DLL3: variants seen among roughly 807,000 people sequenced by gnomAD.
DLL3 encodes the protein delta like canonical Notch ligand 3, also known as delta-like protein 3.
Under a neutral mutation model 55.0 loss-of-function variants are expected in DLL3, and 49 were observed. The observed-to-expected ratio is 0.89, with a 90% CI of 0.71 to 1.13. DLL3 has a LOEUF of 1.13. DLL3 is among the 50% of genes most tolerant of loss of function. DLL3 has a pLI of 0.00. For synonymous variants in DLL3, 421 were observed against 385.2 expected, an observed-to-expected ratio of 1.09 and a Z score of -1.09; for missense variants, 962 against 875.5, an observed-to-expected ratio of 1.10 and a Z score of -1.25.
Position 39,507,596 on chromosome 19 carries a change from G to C in DLL3, c.1651G>C (p.Glu551Gln), listed in dbSNP as rs750062182. ...TGCACTCAACAACCTAAGGACGCAG[G>C]AGGGTTCCGGGGATGGTCCGAGGTG... Reference protein sequence around the residue: ...PDALNNLRTQEGSGDGPSSSV... With the variant: ...PDALNNLRTQQGSGDGPSSSV... Residue 551 changes from glutamate (E) to glutamine (Q), a missense_variant, in exon 7 of 9, where the codon GAG (glutamate) becomes CAG (glutamine). By Grantham distance (29) the Glu-to-Gln change is conservative (BLOSUM62 2). Transcript: ENST00000356433. 1 of 1,608,680 alleles carries C rather than the reference G, an allele frequency of 6.2e-7. No homozygotes were observed. Among genetic ancestry groups the C allele is most frequent in the South Asian group, 1.1e-5 (1 of 90,204 alleles).
chr19:39,504,102 T>G lies in DLL3; in HGVS notation c.684T>G (p.His228Gln). 1 of 1,613,382 alleles carries G rather than the reference T, an allele frequency of 6.2e-7. No homozygotes were observed. The highest frequency in any genetic ancestry group is 1.1e-5 in the South Asian group (1 of 91,090). The change falls in exon 5 of 9, where the codon CAT becomes CAG. Residue 228 changes from histidine to glutamine, a missense_variant. By Grantham distance (24) the His-to-Gln change is conservative. Transcript: ENST00000356433. ...LVCRAGCSPE[H>Q]GFCEQPGECR... is the part of the protein sequence containing the mutation. Reference sequence around the variant, plus strand: ...GCCGAGCAGGCTGCAGCCCTGAGCATGGCTTCTGTGAACAGCCCGGTGAAT... The same window carrying G: ...GCCGAGCAGGCTGCAGCCCTGAGCAGGGCTTCTGTGAACAGCCCGGTGAAT...
At position 39,499,281 on chromosome 19, in the gene DLL3, G is replaced by A. The variant is rs1206794271; in HGVS notation, c.159G>A (p.Arg53=). 6.5e-7 allele frequency: 1 copy of A among 1,541,532 alleles called. No individual in the cohort carries two copies. The highest frequency in any genetic ancestry group is 1.2e-5 in the South Asian group (1 of 84,434). Residue 53 remains arginine, a synonymous_variant, in exon 2 of 9, where the codon CGG becomes CGA. Coordinates refer to ENST00000356433, the MANE Select transcript of DLL3 (RefSeq NM_203486.3). ...CCCCGCGGTCCCCCTGCAGCGCCCG[G>A]CTCCCCTGCCGCCTCTTCTTCAGAG... ...PGAPRSPCSA[R]LPCRLFFRVC... is the part of the protein sequence containing the mutation.
Position 39,507,340 on chromosome 19 carries a change from G to A in DLL3, c.1395G>A (p.Glu465=), listed in dbSNP as rs1395433964. ...CCGGCTACATGGGAGCGCGGTGTGA[G>A]TTCCCAGTGCACCCCGACGGCGCAA... ...CAPGYMGARC[E]FPVHPDGASA... The change falls in exon 7 of 9, where the codon GAG becomes GAA. Residue 465 remains glutamate, a synonymous_variant. Coordinates refer to ENST00000356433, the MANE Select transcript of DLL3 (RefSeq NM_203486.3). 1 of 1,571,444 alleles carries A rather than the reference G, an allele frequency of 6.4e-7. No individual in the cohort carries two copies. Among genetic ancestry groups the A allele is most frequent in the African/African-American group, 1.3e-5 (1 of 74,212 alleles).
Position 39,499,031 on chromosome 19 carries a change from T to C in DLL3, c.57T>C (p.Ile19=), listed in dbSNP as rs2144754989. The C allele has an allele frequency of 1.2e-6, 2 of 1,613,702 alleles. No individual in the cohort carries two copies. The highest frequency in any genetic ancestry group is 1.7e-6 in the Non-Finnish European group (2 of 1,179,986). The part of the protein sequence containing the change: ...LLSQTVILAL[I]FLPQTRPAGV... ...CCCAGACTGTGATCCTAGCGCTCATTTTCCTCCCCCAGGTCAGAGCCAGGT... is the reference window on the plus strand; with the variant it reads ...CCCAGACTGTGATCCTAGCGCTCATCTTCCTCCCCCAGGTCAGAGCCAGGT... Residue 19 remains isoleucine (I), a synonymous_variant, in exon 1 of 9, where the codon ATT becomes ATC. Coordinates refer to ENST00000356433, the MANE Select transcript of DLL3 (RefSeq NM_203486.3).
chr19:39,507,266 G>T lies in DLL3; in HGVS notation c.1321G>T (p.Gly441Cys). Residue 441 changes from glycine (G) to cysteine (C), a missense_variant, in exon 7 of 9, where the codon GGC (glycine) becomes TGC (cysteine). Transcript: ENST00000356433. ...DPCAARPCAH[G>C]GRCYAHFSGL... The stretch of plus-strand genomic sequence containing the variant: ...GTGCGCCGCGCGCCCCTGTGCTCAC[G>T]GCGGCCGCTGCTACGCCCACTTCTC... 6.5e-7 allele frequency: 1 copy of T among 1,530,430 alleles called. No homozygotes were observed. The highest frequency in any genetic ancestry group is 8.7e-7 in the Non-Finnish European group (1 of 1,145,028). 94.8% of individuals were successfully genotyped at this position (1,530,430 alleles called of 1,614,324 possible).
chr19:39,501,914 G>A (rs1600753551), intron 3 of DLL3, among the ~76,000 whole-genome samples: 3 of 152,136 alleles, frequency 2.0e-5, no homozygotes, highest in East Asian at 1.9e-4. Context: ...GGCCCGGCGC[G>A]GTGGCTCACG....
rs994791458 is a variant in DLL3, at chr19:39,504,432, G to A, written c.870+144G>A. 15 of 898,034 alleles carry A rather than the reference G, an allele frequency of 1.7e-5. No individual in the cohort carries two copies. In the East Asian group the frequency reaches 1.8e-4, roughly 11 times the overall value. The allele number at this position is 898,034 out of a possible 1,614,324, so 55.6% of individuals were successfully genotyped here. On this transcript the variant is annotated intron_variant, in intron 5 of 8. Coordinates refer to ENST00000356433, the MANE Select transcript of DLL3 (RefSeq NM_203486.3). ...GAGGTCTTCCTGGAGGCATCCAGCCGGCATCTGGGGCCTTGAAGTAGGATT... is the reference window on the plus strand; with the variant it reads ...GAGGTCTTCCTGGAGGCATCCAGCCAGCATCTGGGGCCTTGAAGTAGGATT...
At position 39,499,219 on chromosome 19, in the gene DLL3, C is replaced by A. The variant is rs757776150; in HGVS notation, c.97C>A (p.Gln33Lys). Residue 33 changes from glutamine to lysine, a missense_variant, in exon 2 of 9, where the codon CAG becomes AAG. Coordinates refer to ENST00000356433, the MANE Select transcript of DLL3 (RefSeq NM_203486.3). ...ACGGCCCGCTGGCGTCTTCGAGCTG[C>A]AGATCCACTCTTTCGGGCCGGGTCC... ...QTRPAGVFEL[Q>K]IHSFGPGPGP... is the part of the protein sequence containing the mutation. 6.4e-7 allele frequency: 1 copy of A among 1,562,304 alleles called. No individual in the cohort carries two copies. Among genetic ancestry groups the A allele is most frequent in the South Asian group, 1.1e-5 (1 of 87,008 alleles).
At chr19:39,507,652 C>G in intron 7 of DLL3, 34 bp downstream of exon 7, 1 of 1,591,910 alleles carries the variant, frequency 6.3e-7, no homozygotes, top group Non-Finnish European at 8.5e-7. Context: ...ACGCCTTGCG[C>G]TGCTGGCTGC....
chr19:39,506,004 A>T (rs1381493844), intron 6 of DLL3, among the ~76,000 whole-genome samples: 1 of 152,046 alleles, frequency 6.6e-6, no homozygotes, highest in Admixed American at 6.6e-5. Flanking sequence ...TGAGCTCAGG[A>T]GTTGGAGACC....
chr19:39,507,031 C>T lies in DLL3; in HGVS notation c.1094-8C>T. 1.3e-6 allele frequency: 2 copies of T among 1,534,180 alleles called. No homozygotes were observed. Among genetic ancestry groups the T allele is most frequent in the Non-Finnish European group, 1.7e-6 (2 of 1,146,620 alleles). On this transcript the variant is annotated splice_region_variant and splice_polypyrimidine_tract_variant and intron_variant, in intron 6 of 8. Transcript: ENST00000356433. ...GGACTGCGCCCTCTGATGCTCCCTT[C>T]CCCACAGGCGGACTCTGCCTGGACC... is the stretch of plus-strand genomic sequence containing the variant.
chr19:39,500,282 A>G (rs2079602062), intron 2 of DLL3, among the ~76,000 whole-genome samples: 1 of 142,606 alleles, frequency 7.0e-6, no homozygotes, highest in Non-Finnish European at 1.6e-5. Context: ...AAAAAAACAT[A>G]GCAGGGCATG....
chr19:39,499,691 G>C (rs545509452), intron 2 of DLL3, among the ~76,000 whole-genome samples: 1 of 152,058 alleles, frequency 6.6e-6, no homozygotes, highest in Non-Finnish European at 1.5e-5. Context: ...CCCAACCCTG[G>C]ATGCTGGGAC....
chr19:39,502,473 A>G (rs2030150841), intron 3 of DLL3, among the ~76,000 whole-genome samples: 1 of 151,982 alleles, frequency 6.6e-6, no homozygotes, highest in Non-Finnish European at 1.5e-5. Context: ...CGGTTTCACC[A>G]TGTTGATCAG....
Position 39,507,905 on chromosome 19 carries a change from C to G in DLL3, c.1749C>G (p.Tyr583Ter). 3 of 1,614,138 alleles carry G rather than the reference C, an allele frequency of 1.9e-6. No homozygotes were observed. Among genetic ancestry groups the G allele is most frequent in the Non-Finnish European group, 1.7e-6 (2 of 1,180,026 alleles). ...GIYVISAPSI[Y>*]AREA Reference sequence around the variant, plus strand: ...ATGTCATATCTGCTCCTTCCATCTACGCTCGGGAGGTAGCGACGCCCCTTT... The same window carrying G: ...ATGTCATATCTGCTCCTTCCATCTAGGCTCGGGAGGTAGCGACGCCCCTTT... The change falls in exon 8 of 9, where the codon TAC (tyrosine) becomes TAG (stop). Residue 583 changes from tyrosine to a stop codon, truncating the protein, a stop_gained. Coordinates refer to ENST00000356433, the MANE Select transcript of DLL3 (RefSeq NM_203486.3). LOFTEE classifies it high-confidence loss of function.
intron 5 of DLL3, 37 bp downstream of exon 5, chr19:39,504,325 C>G: frequency 5.6e-6 from 9 of 1,605,060 alleles, no homozygotes; most frequent in Non-Finnish European, 6.8e-6. Context: ...CTGCTTAGTA[C>G]TTTACCCTGG....
Position 39,505,314 on chromosome 19 carries a change from G to C in DLL3, c.956G>C (p.Gly319Ala). 2.5e-6 allele frequency: 4 copies of C among 1,614,210 alleles called. No homozygotes were observed. ...GTGAGCGGGGTGACATGTGCAGATG[G>C]ACCCTGCTTCAACGGCGGCTTGTGT... ...CEVSGVTCAD[G>A]PCFNGGLCVG... The change falls in exon 6 of 9, where the codon GGA becomes GCA. Residue 319 changes from glycine (G) to alanine (A), a missense_variant. Gly to Ala is a moderately conservative substitution (Grantham distance 60). Transcript: ENST00000356433.
rs1010923365 is a variant in DLL3, at chr19:39,505,344, G to A, written c.986G>A (p.Gly329Glu). ...GPCFNGGLCVGGADPDSAYIC... is the reference protein window; with the variant it reads ...GPCFNGGLCVEGADPDSAYIC... The stretch of plus-strand genomic sequence containing the variant: ...TGCTTCAACGGCGGCTTGTGTGTCG[G>A]GGGTGCAGACCCTGACTCTGCCTAC... The change falls in exon 6 of 9, where the codon GGG (glycine) becomes GAG (glutamate). Residue 329 changes from glycine to glutamate, a missense_variant. By Grantham distance (98) the Gly-to-Glu change is moderately conservative (BLOSUM62 -2). Transcript: ENST00000356433. 1 of 1,614,178 alleles carries A rather than the reference G, an allele frequency of 6.2e-7. No individual in the cohort carries two copies. Among genetic ancestry groups the A allele is most frequent in the African/African-American group, 1.3e-5 (1 of 75,042 alleles).
In DLL3 at chr19:39,498,964, A is replaced by C. The variant is rs752732770; in HGVS notation, c.-11A>C. The C allele has an allele frequency of 1.2e-6, 2 of 1,609,958 alleles. No homozygotes were observed. The highest frequency in any genetic ancestry group is 1.4e-5 in the African/African-American group (1 of 73,422). ...CAGCTGCGACTCCCGAGACCCCCCC[A>C]CCAGAAGGCCATGGTCTCCCCACGG... On this transcript the variant is annotated 5_prime_UTR_variant, in exon 1 of 9. Transcript: ENST00000356433.
Sources: allele counts gnomAD v4.1 joint callset (sites outside exome capture counted in the v4.1 genomes callset), GRCh38; gene constraint gnomAD v4.1.1; transcripts MANE v1.5; gene names NCBI Gene and HGNC (gene_info 2026-07-23, HGNC 2026-07-21).